Variants in UBE4B observed in about 807,000 individuals in gnomAD.
UBE4B encodes the protein ubiquitin conjugation factor E4 B.
A neutral mutation model predicts 148.1 loss-of-function variants in UBE4B; 27 were observed. That is an observed-to-expected ratio of 0.18 (90% CI 0.13 to 0.25). UBE4B has a LOEUF of 0.25. Among genes scored for constraint, UBE4B ranks in the 10% least tolerant of loss-of-function variants. The pLI is 1.00. For synonymous variants in UBE4B, 596 were observed against 619.3 expected, an observed-to-expected ratio of 0.96 and a Z score of 0.56; for missense variants, 1,170 against 1,662.4, an observed-to-expected ratio of 0.70 and a Z score of 5.15.
At chr1:10,175,278 A>C (rs1034402572) in intron 25 of UBE4B, among the ~76,000 whole-genome samples, 1 of 152,180 alleles carries the variant, frequency 6.6e-6, no homozygotes, top group South Asian at 2.1e-4. Context: ...GACAGACTGC[A>C]TATCTGTCGT....
At chr1:10,072,274 T>G in intron 2 of UBE4B, 60 bp downstream of exon 2, 1 of 1,553,630 alleles carries the variant, frequency 6.4e-7, no homozygotes, top group Non-Finnish European at 8.7e-7. Flanking sequence ...TTTGTTAAGC[T>G]GATGGTTGTG....
At chr1:10,179,749 C>T in intron 27 of UBE4B, 146 bp from the exon 28 acceptor site, 1 of 1,323,306 alleles carries the variant, frequency 7.6e-7, no homozygotes, top group Non-Finnish European at 1.0e-6. Context: ...CAGTCCCTCC[C>T]TCTCATGTCC....
intron 7 of UBE4B, among the ~76,000 whole-genome samples, chr1:10,109,146 C>G (rs1178165648): frequency 1.3e-5 from 2 of 152,062 alleles, no homozygotes; most frequent in Non-Finnish European, 2.9e-5. Context: ...TCAGCTCTGT[C>G]CATGTATCAG....
chr1:10,105,688 A>G lies in UBE4B; in HGVS notation c.753A>G (p.Pro251=), dbSNP rs1246215995. 6.2e-7 allele frequency: 1 copy of G among 1,614,210 alleles called. No homozygotes were observed. The change falls in exon 6 of 28, where the codon CCA becomes CCG. Residue 251 remains proline, a synonymous_variant. Coordinates refer to ENST00000343090, the MANE Select transcript of UBE4B (RefSeq NM_001105562.3). ...TCTTGCTAAACACTGGCTCCAATCC[A>G]GGAACAAGCCCCATGTTCTGCAGCG... The part of the protein sequence containing the change: ...RNLLLNTGSN[P]GTSPMFCSVA...
At chr1:10,107,146 C>T in intron 7 of UBE4B, 2 of 1,256,370 alleles carry the variant, frequency 1.6e-6, no homozygotes, top group South Asian at 2.5e-5. Context: ...TTTAAAAGGA[C>T]AGCAGTTGCA....
At chr1:10,066,943 C>T (rs1393568160) in intron 1 of UBE4B, among the ~76,000 whole-genome samples, 1 of 152,076 alleles carries the variant, frequency 6.6e-6, no homozygotes, top group Non-Finnish European at 1.5e-5. Context: ...TTATTGTCAT[C>T]TTTCCAAGGA....
chr1:10,036,376 A>C (rs531064119), intron 1 of UBE4B, among the ~76,000 whole-genome samples: 1 of 152,328 alleles, frequency 6.6e-6, no homozygotes, highest in African/African-American at 2.4e-5. Flanking sequence ...CTAATACAGG[A>C]TCAATGTAAA....
At chr1:10,152,253 C>T (rs1645988519) in intron 21 of UBE4B, among the ~76,000 whole-genome samples, 3 of 131,148 alleles carry the variant, frequency 2.3e-5, no homozygotes, top group South Asian at 4.9e-4. Context: ...AACAAGACTC[C>T]GTCTCAAATA....
chr1:10,112,462 C>T (rs561858298), intron 7 of UBE4B, among the ~76,000 whole-genome samples: 3 of 152,132 alleles, frequency 2.0e-5, no homozygotes, highest in African/African-American at 2.4e-5. Context: ...TGCAGTGGCG[C>T]GATCTCAGCT....
intron 1 of UBE4B, among the ~76,000 whole-genome samples, chr1:10,041,040 C>T (rs903877060): frequency 5.7e-4 from 86 of 152,152 alleles, no homozygotes; most frequent in African/African-American, 2.0e-3. Context: ...TTTCTTAAGC[C>T]TGGGAGGACA....
At chr1:10,135,720 A>G (rs1331749154) in intron 16 of UBE4B, among the ~76,000 whole-genome samples, 2 of 125,736 alleles carry the variant, frequency 1.6e-5, no homozygotes, top group Non-Finnish European at 3.2e-5. Context: ...TGGGCAACAG[A>G]GTGAGACTCT....
Position 10,107,495 on chromosome 1 carries a change from C to G in UBE4B, c.1196+912C>G, listed in dbSNP as rs977141879. The G allele has an allele frequency of 1.3e-5, 15 of 1,116,220 alleles. No homozygotes were observed. The African/African-American group carries it at 2.3e-4, about 17-fold the overall frequency. 69.1% of individuals were successfully genotyped at this position (1,116,220 alleles called of 1,614,324 possible). A position where few individuals can be genotyped will look rare whatever the true frequency, so the allele number is the denominator to read the frequency against. ...AGGATAGGGTCAAATGAGGTGGGCT[C>G]CAGAGTATATTGATGTGTTCAGACC... On this transcript the variant is annotated intron_variant, in intron 7 of 27. Transcript: ENST00000343090.
At chr1:10,152,518 C>T (rs1173721886) in intron 21 of UBE4B, among the ~76,000 whole-genome samples, 1 of 151,864 alleles carries the variant, frequency 6.6e-6, no homozygotes, top group Non-Finnish European at 1.5e-5. Context: ...TTTATCGGGG[C>T]CAGGTGCGGT....
intron 17 of UBE4B, among the ~76,000 whole-genome samples, chr1:10,144,070 A>G (rs1017963655): frequency 1.3e-5 from 2 of 152,302 alleles, no homozygotes; most frequent in South Asian, 4.1e-4. Context: ...AGGGGTTGAA[A>G]TAGTGTTAAG....
At chr1:10,122,210 T>G in intron 10 of UBE4B, 134 bp downstream of exon 10, 1 of 552,922 alleles carries the variant, frequency 1.8e-6, no homozygotes, top group South Asian at 2.5e-5. Flanking sequence ...TACCCAATAT[T>G]CTTTTGAGGA....
At chr1:10,177,444 C>T (rs557213914) in intron 25 of UBE4B, among the ~76,000 whole-genome samples, 14 of 152,224 alleles carry the variant, frequency 9.2e-5, no homozygotes, top group East Asian at 3.9e-4. Flanking sequence ...GAGCCGAGAG[C>T]GTGCCTCTGC....
chr1:10,053,174 A>G (rs1458837155), intron 1 of UBE4B, among the ~76,000 whole-genome samples: 1 of 151,792 alleles, frequency 6.6e-6, no homozygotes, highest in Non-Finnish European at 1.5e-5. Flanking sequence ...TTTGAGTCGG[A>G]GTCTCTCTCT....
chr1:10,051,079 T>C lies in UBE4B; in HGVS notation c.24+17385T>C, dbSNP rs138083563. 7.9e-5 allele frequency among the ~76,000 whole-genome samples: 12 copies of C among 152,266 alleles called. 1 individual carries two copies. The highest frequency in any genetic ancestry group is 2.9e-4 in the African/African-American group (12 of 41,560). Reference sequence around the variant, plus strand: ...TGGAGTGCAGTGGCATTATCATAGCTCACTGCAGCCTCAAACTCCTGGGCT... The same window carrying C: ...TGGAGTGCAGTGGCATTATCATAGCCCACTGCAGCCTCAAACTCCTGGGCT... On this transcript the variant is annotated intron_variant, in intron 1 of 27. Transcript: ENST00000343090.
chr1:10,126,352 T>TAGATAGATAGAA (rs1553148955), intron 10 of UBE4B, among the ~76,000 whole-genome samples: 1 of 144,222 alleles, frequency 6.9e-6, no homozygotes, highest in African/African-American at 2.7e-5. Context: ...GATAGATAGA[T>TAGATAGATAGAA]AGAAAGGAGG....
Sources: allele counts gnomAD v4.1 joint callset (sites outside exome capture counted in the v4.1 genomes callset), GRCh38; gene constraint gnomAD v4.1.1; transcripts MANE v1.5; gene names NCBI Gene and HGNC (gene_info 2026-07-23, HGNC 2026-07-21).